MDGA2: variants seen among roughly 807,000 people sequenced by gnomAD.
The protein encoded by MDGA2 is MAM domain containing glycosylphosphatidylinositol anchor 2.
A neutral mutation model predicts 117.8 loss-of-function variants in MDGA2; 40 were observed. That is an observed-to-expected ratio of 0.34 (90% CI 0.26 to 0.44). MDGA2 has a LOEUF of 0.44. Ranked by LOEUF, MDGA2 falls within the 20% of genes least tolerant of loss-of-function variation. MDGA2 has a pLI of 1.00. For synonymous variants in MDGA2, 452 were observed against 439.0 expected (o/e 1.03, Z -0.37); for missense variants, 1,123 against 1,250.6 (o/e 0.90, Z 1.54).
At chr14:46,878,159 C>A (rs1882306066) in intron 11 of MDGA2, among the ~76,000 whole-genome samples, 1 of 151,888 alleles carries the variant, frequency 6.6e-6, no homozygotes, top group East Asian at 1.9e-4. Context: ...TTTTTTTCCC[C>A]TAAAACTAAT....
intron 9 of MDGA2, among the ~76,000 whole-genome samples, chr14:46,924,124 T>G (rs1884235300): frequency 6.6e-6 from 1 of 151,990 alleles, no homozygotes; most frequent in Non-Finnish European, 1.5e-5. Flanking sequence ...GAGGTAAATT[T>G]TGGAATCATC....
intron 1 of MDGA2, among the ~76,000 whole-genome samples, chr14:47,569,012 A>G (rs985084969): frequency 3.3e-5 from 5 of 151,700 alleles, no homozygotes; most frequent in African/African-American, 1.2e-4. Flanking sequence ...ACTTACTATC[A>G]CATTTATTGT....
At chr14:47,280,134 G>GA in intron 2 of MDGA2, among the ~76,000 whole-genome samples, 1 of 151,694 alleles carries the variant, frequency 6.6e-6, no homozygotes, top group African/African-American at 2.4e-5. Flanking sequence ...GACCAACATG[G>GA]AGAAACCCCG....
At chr14:46,913,416 C>G (rs542755796) in intron 10 of MDGA2, among the ~76,000 whole-genome samples, 1 of 152,160 alleles carries the variant, frequency 6.6e-6, no homozygotes, top group Non-Finnish European at 1.5e-5. Flanking sequence ...ACAGTTCTTG[C>G]AATAAAATCT....
At chr14:46,941,668 G>A (rs1317266426) in intron 9 of MDGA2, among the ~76,000 whole-genome samples, 1 of 151,910 alleles carries the variant, frequency 6.6e-6, no homozygotes, top group East Asian at 1.9e-4. Context: ...AATGTGCTAA[G>A]AGGTAAATAG....
In MDGA2 at chr14:47,671,311, G is replaced by A. The variant is rs58095550; in HGVS notation, c.280+3206C>T. Among the ~76,000 whole-genome samples the A allele has an allele frequency of 0.016, 2,437 of 152,194 alleles. 155 individuals are homozygous for A. In the East Asian group the frequency reaches 0.22, roughly 14 times the overall value. On this transcript the variant is annotated intron_variant, in intron 1 of 16. Coordinates refer to ENST00000399232, the MANE Select transcript of MDGA2 (RefSeq NM_001113498.3). ...ATTGCACAGGGTTGTCAAACAGATT[G>A]GGCATAACAGGAAGAAGATTAAAAT...
intron 6 of MDGA2, among the ~76,000 whole-genome samples, chr14:47,079,819 C>A (rs1396848573): frequency 7.0e-6 from 1 of 143,124 alleles, no homozygotes; most frequent in East Asian, 2.3e-4. Flanking sequence ...GCAAGCTCCG[C>A]CTTCCAGGTT....
At chr14:47,445,937 A>G (rs1893112981) in intron 1 of MDGA2, among the ~76,000 whole-genome samples, 1 of 152,170 alleles carries the variant, frequency 6.6e-6, no homozygotes, top group South Asian at 2.1e-4. Flanking sequence ...AAACAATGGA[A>G]CAAAATATAA....
At chr14:46,871,968 AT>A (rs1882020650) in intron 14 of MDGA2, 1 of 262,782 alleles carries the variant, frequency 3.8e-6, no homozygotes, top group South Asian at 4.0e-5. Flanking sequence ...AGCCTGTCTC[AT>A]AAAAAATAAA....
At chr14:47,066,657 C>T (rs17117997) in intron 6 of MDGA2, among the ~76,000 whole-genome samples, 49,517 of 151,812 alleles carry the variant, frequency 0.33, 8,681 homozygotes, top group East Asian at 0.53. Flanking sequence ...TGTTTATATG[C>T]TTCAGATAAT....
chr14:47,563,578 G>GGTTTTTT (rs1895857035), intron 1 of MDGA2, among the ~76,000 whole-genome samples: 8 of 56,974 alleles, frequency 1.4e-4, no homozygotes, highest in African/African-American at 6.6e-4. Flanking sequence ...GCTTTTTTCT[G>GGTTTTTT]TTTTTTTTTT....
At chr14:46,951,198 G>A (rs1433526478) in intron 9 of MDGA2, among the ~76,000 whole-genome samples, 5 of 151,916 alleles carry the variant, frequency 3.3e-5, no homozygotes, top group Non-Finnish European at 7.4e-5. Context: ...AACCCTATTT[G>A]GCAGGATTAA....
chr14:47,247,867 T>G (rs891477212), intron 2 of MDGA2, among the ~76,000 whole-genome samples: 7 of 151,370 alleles, frequency 4.6e-5, no homozygotes, highest in African/African-American at 9.7e-5. Context: ...ATTGTCCAAC[T>G]CTCACTCATG....
intron 1 of MDGA2, among the ~76,000 whole-genome samples, chr14:47,538,309 A>AT (rs886189268): frequency 8.6e-5 from 13 of 151,460 alleles, no homozygotes; most frequent in South Asian, 2.1e-4. Context: ...TTTGTGAATT[A>AT]TTTTTTTTTC....
intron 1 of MDGA2, among the ~76,000 whole-genome samples, chr14:47,640,367 T>C (rs1897401791): frequency 6.6e-6 from 1 of 152,118 alleles, no homozygotes; most frequent in African/African-American, 2.4e-5. Flanking sequence ...CCCTCATTAT[T>C]TCTTACCCGA....
chr14:47,284,419 A>G (rs1428744744), intron 2 of MDGA2, among the ~76,000 whole-genome samples: 3 of 152,136 alleles, frequency 2.0e-5, no homozygotes, highest in African/African-American at 7.2e-5. Flanking sequence ...GGCAAGTAGT[A>G]CCTATTTGAG....
At chr14:47,544,534 T>C (rs1339437746) in intron 1 of MDGA2, among the ~76,000 whole-genome samples, 1 of 152,168 alleles carries the variant, frequency 6.6e-6, no homozygotes, top group Non-Finnish European at 1.5e-5. Flanking sequence ...CCTCGTAAGA[T>C]AGTGCTATGC....
intron 2 of MDGA2, among the ~76,000 whole-genome samples, chr14:47,258,872 A>T (rs866733677): frequency 6.6e-6 from 1 of 151,970 alleles, no homozygotes; most frequent in Non-Finnish European, 1.5e-5. Flanking sequence ...AAGAATATGG[A>T]AATTTTAATT....
intron 1 of MDGA2, among the ~76,000 whole-genome samples, chr14:47,559,672 A>C (rs1895758375): frequency 6.6e-6 from 1 of 151,588 alleles, no homozygotes; most frequent in Non-Finnish European, 1.5e-5. Context: ...TCCCGGGTTC[A>C]AGCAATTCTC....
Sources: gnomAD v4.1 joint callset for allele counts (sites outside exome capture counted in the v4.1 genomes callset) on GRCh38, gnomAD v4.1.1 for gene constraint, MANE v1.5 for transcripts, NCBI Gene and HGNC (gene_info 2026-07-23, HGNC 2026-07-21) for gene names.